Variants in SEMA5A observed in about 807,000 individuals in gnomAD.
SEMA5A encodes the protein semaphorin-5A.
In SEMA5A, 55 loss-of-function variants were observed where a neutral mutation model predicts 135.5. The ratio of observed to expected loss-of-function variants is 0.41; its 90% CI spans 0.33 to 0.51. SEMA5A has a LOEUF of 0.51. Ranked by LOEUF, SEMA5A falls within the 20% of genes least tolerant of loss-of-function variation. The pLI is 0.37. For missense variants in SEMA5A, 1,290 were observed against 1,419.9 expected (o/e 0.91, Z 1.47); for synonymous variants, 580 against 546.5 (o/e 1.06, Z -0.85).
chr5:9,320,820 C>T (rs1007007473), intron 4 of SEMA5A, among the ~76,000 whole-genome samples: 5 of 152,136 alleles, frequency 3.3e-5, no homozygotes, highest in South Asian at 4.1e-4. Flanking sequence ...GAGGGTGACT[C>T]GCATTTCAAC....
At chr5:9,292,292 A>G (rs897222235) in intron 5 of SEMA5A, among the ~76,000 whole-genome samples, 5 of 152,212 alleles carry the variant, frequency 3.3e-5, no homozygotes, top group African/African-American at 1.2e-4. Flanking sequence ...AGTTACCAGT[A>G]TATACTTGAT....
intron 3 of SEMA5A, among the ~76,000 whole-genome samples, chr5:9,353,859 T>A (rs1351356784): frequency 1.3e-5 from 2 of 151,850 alleles, no homozygotes; most frequent in African/African-American, 4.8e-5. Context: ...TATTAGTTAA[T>A]ATTATCTACA....
chr5:9,302,944 C>T (rs1374097352), intron 5 of SEMA5A, among the ~76,000 whole-genome samples: 1 of 151,982 alleles, frequency 6.6e-6, no homozygotes, highest in African/African-American at 2.4e-5. Flanking sequence ...TTTGCTAGTG[C>T]TATAAGTCAT....
At chr5:9,453,215 G>A (rs1176311848) in intron 1 of SEMA5A, among the ~76,000 whole-genome samples, 1 of 152,188 alleles carries the variant, frequency 6.6e-6, no homozygotes, top group African/African-American at 2.4e-5. Flanking sequence ...TAGCTAAAGT[G>A]TATTTGCAAC....
At chr5:9,522,509 A>G (rs462351) in intron 1 of SEMA5A, among the ~76,000 whole-genome samples, 125,366 of 152,026 alleles carry the variant, frequency 0.82, 51,926 homozygotes, top group Middle Eastern at 0.88. Flanking sequence ...CTTAGGAGGC[A>G]GAGGTTGTGG....
intron 2 of SEMA5A, among the ~76,000 whole-genome samples, chr5:9,405,436 T>C (rs1756838763): frequency 6.6e-6 from 1 of 152,186 alleles, no homozygotes; most frequent in African/African-American, 2.4e-5. Flanking sequence ...CTTCTGAGCC[T>C]GTGTCAGCTT....
chr5:9,482,284 A>T (rs764113224), intron 1 of SEMA5A, among the ~76,000 whole-genome samples: 1 of 152,234 alleles, frequency 6.6e-6, no homozygotes, highest in Non-Finnish European at 1.5e-5. Context: ...AAGGAAAAAT[A>T]TCTTATTAAC....
intron 3 of SEMA5A, among the ~76,000 whole-genome samples, chr5:9,353,359 A>G (rs796434014): frequency 2.2e-4 from 22 of 100,972 alleles, no homozygotes; most frequent in South Asian, 9.8e-4. Context: ...AAAGGGAAGG[A>G]AAGGAAAGGA....
chr5:9,279,721 G>A (rs533282388), intron 5 of SEMA5A, among the ~76,000 whole-genome samples: 1 of 152,194 alleles, frequency 6.6e-6, no homozygotes, highest in South Asian at 2.1e-4. Context: ...TTAACAACAT[G>A]TGGCACTTCC....
At chr5:9,363,889 G>A (rs919881462) in intron 3 of SEMA5A, among the ~76,000 whole-genome samples, 1 of 152,116 alleles carries the variant, frequency 6.6e-6, no homozygotes, top group Non-Finnish European at 1.5e-5. Context: ...AAATAAAAAG[G>A]CATTTCAAGT....
intron 2 of SEMA5A, among the ~76,000 whole-genome samples, chr5:9,406,219 A>G (rs566740014): frequency 4.6e-5 from 7 of 152,364 alleles, no homozygotes; most frequent in African/African-American, 1.7e-4. Flanking sequence ...GCAATGACTT[A>G]CTTACTGCTA....
At chr5:9,095,947 T>A (rs770830158) in intron 16 of SEMA5A, among the ~76,000 whole-genome samples, 2 of 152,244 alleles carry the variant, frequency 1.3e-5, no homozygotes, top group African/African-American at 4.8e-5. Flanking sequence ...TTATATTGCG[T>A]ATTGCAAATA....
chr5:9,098,756 C>T (rs1254293257), intron 16 of SEMA5A, among the ~76,000 whole-genome samples: 2 of 152,106 alleles, frequency 1.3e-5, no homozygotes, highest in African/African-American at 2.4e-5. Context: ...GAAATTATTA[C>T]AATTGAAATA....
intron 5 of SEMA5A, among the ~76,000 whole-genome samples, chr5:9,249,112 A>T (rs1274897315): frequency 6.6e-6 from 1 of 152,250 alleles, no homozygotes; most frequent in Non-Finnish European, 1.5e-5. Context: ...AAATTGGAAC[A>T]TGTCATCCCA....
intron 1 of SEMA5A, among the ~76,000 whole-genome samples, chr5:9,454,776 A>G (rs1758769018): frequency 6.6e-6 from 1 of 152,208 alleles, no homozygotes; most frequent in Non-Finnish European, 1.5e-5. Context: ...TACCTTTTGG[A>G]ATGGAATTGG....
At chr5:9,265,695 C>G in intron 5 of SEMA5A, 1 of 392,512 alleles carries the variant, frequency 2.5e-6, no homozygotes, top group Non-Finnish European at 5.2e-6. Context: ...CTTCTGAGGT[C>G]TGCTAAACCA....
chr5:9,419,995 C>T (rs897060649), intron 2 of SEMA5A, among the ~76,000 whole-genome samples: 2 of 152,134 alleles, frequency 1.3e-5, no homozygotes, highest in African/African-American at 4.8e-5. Flanking sequence ...AGGATGTGTA[C>T]TGTTGGGCCC....
chr5:9,341,471 G>A (rs935663392), intron 3 of SEMA5A, among the ~76,000 whole-genome samples: 1 of 151,840 alleles, frequency 6.6e-6, no homozygotes, highest in African/African-American at 2.4e-5. Flanking sequence ...CGGGGAGAGT[G>A]AGGGAGCAGG....
At chr5:9,111,090 A>G (rs1579413244) in intron 15 of SEMA5A, among the ~76,000 whole-genome samples, 1 of 152,252 alleles carries the variant, frequency 6.6e-6, no homozygotes, top group Non-Finnish European at 1.5e-5. Context: ...TTTTGAGAAC[A>G]TATTTTGAGG....
Sources: allele counts gnomAD v4.1 joint callset (sites outside exome capture counted in the v4.1 genomes callset), GRCh38; gene constraint gnomAD v4.1.1; transcripts MANE v1.5; gene names NCBI Gene and HGNC (gene_info 2026-07-23, HGNC 2026-07-21).